The following SLC52A2 variants were observed in gnomAD, a reference collection of about 807,000 sequenced individuals.
SLC52A2 encodes solute carrier family 52, riboflavin transporter, member 2.
Under a neutral mutation model 24.8 loss-of-function variants are expected in SLC52A2, and 16 were observed. That is an observed-to-expected ratio of 0.64 (90% CI 0.44 to 0.98). SLC52A2 has a LOEUF of 0.98. Among genes scored for constraint, SLC52A2 ranks in the 50% least tolerant of loss-of-function variants. SLC52A2 has a pLI of 0.00. For missense variants in SLC52A2, 612 were observed against 575.9 expected, an observed-to-expected ratio of 1.06 and a Z score of -0.64; for synonymous variants, 335 against 276.3, an observed-to-expected ratio of 1.21 and a Z score of -2.11.
Position 144,358,773 on chromosome 8 carries a change from C to T in SLC52A2, c.-403C>T. On this transcript the variant is annotated 5_prime_UTR_variant, in exon 1 of 5. Coordinates refer to ENST00000643944, the MANE Select transcript of SLC52A2 (RefSeq NM_001363118.2). The stretch of plus-strand genomic sequence containing the variant: ...CAGGGACCGGACGGCTCCCGAGTCG[C>T]CCACCTGACGGTACCGAGAGGGCGG... The T allele has an allele frequency of 3.6e-6, 1 of 278,630 alleles. No individual in the cohort carries two copies. Among genetic ancestry groups the T allele is most frequent in the Non-Finnish European group, 6.7e-6 (1 of 149,054 alleles). 17.3% of individuals were successfully genotyped at this position (278,630 alleles called of 1,614,324 possible). A position where few individuals can be genotyped will look rare whatever the true frequency, so the allele number is the denominator to read the frequency against.
Position 144,361,122 on chromosome 8 carries a change from G to A in SLC52A2, c.*107G>A. On this transcript the variant is annotated 3_prime_UTR_variant, in exon 5 of 5. Coordinates refer to ENST00000643944, the MANE Select transcript of SLC52A2 (RefSeq NM_001363118.2). ...GAGGCCCGCACACCGGTACACTCGTGGACACCTACACACTCCATAGGAGAT... is the reference window on the plus strand; with the variant it reads ...GAGGCCCGCACACCGGTACACTCGTAGACACCTACACACTCCATAGGAGAT... 1 of 1,150,088 alleles carries A rather than the reference G, an allele frequency of 8.7e-7. No homozygotes were observed. The highest frequency in any genetic ancestry group is 1.3e-6 in the Non-Finnish European group (1 of 789,886). 71.2% of individuals were successfully genotyped at this position (1,150,088 alleles called of 1,614,324 possible). A position where few individuals can be genotyped will look rare whatever the true frequency, so the allele number is the denominator to read the frequency against.
In SLC52A2 at chr8:144,361,012, C is replaced by CT. The variant is rs1312420153; in HGVS notation, c.1336dup (p.Ter446LeufsTer69). 1 of 1,612,174 alleles carries CT rather than the reference C, an allele frequency of 6.2e-7. No homozygotes were observed. Among genetic ancestry groups the CT allele is most frequent in the Non-Finnish European group, 8.5e-7 (1 of 1,179,186 alleles). On this transcript the variant is annotated frameshift_variant, in exon 5 of 5. Coordinates refer to ENST00000643944, the MANE Select transcript of SLC52A2 (RefSeq NM_001363118.2). LOFTEE classifies it high-confidence loss of function. ...AGGACTGTGCAGACCCCTGTGACTC[C>CT]TGAGCCTGGGCAGGTGGGGACCCCG...
At chr8:144,358,597 C>T (rs1198371073), upstream of SLC52A2, 2 of 1,029,560 alleles carry the variant, frequency 1.9e-6, no homozygotes, top group Non-Finnish European at 2.5e-6. Context: ...GGGGCGGGCC[C>T]GGAACCGCCA....
rs1818727753 is a variant in SLC52A2, at chr8:144,359,949, C to G, written c.457C>G (p.Leu153Val). The change falls in exon 3 of 5, where the codon CTG (leucine) becomes GTG (valine). Residue 153 changes from leucine (L) to valine (V), a missense_variant. Coordinates refer to ENST00000643944, the MANE Select transcript of SLC52A2 (RefSeq NM_001363118.2). Reference protein sequence around the residue: ...FLRSFFLGQGLSALLPCVLAL... With the variant: ...FLRSFFLGQGVSALLPCVLAL... ...ACGGTCATTCTTCCTGGGTCAAGGC[C>G]TGAGTGCCCTGCTGCCCTGCGTGCT... 6.2e-7 allele frequency: 1 copy of G among 1,613,410 alleles called. No homozygotes were observed. Among genetic ancestry groups the G allele is most frequent in the East Asian group, 2.2e-5 (1 of 44,886 alleles).
At position 144,358,767 on chromosome 8, in the gene SLC52A2, G is replaced by C; in HGVS notation, c.-409G>C. 7.0e-6 allele frequency: 2 copies of C among 285,954 alleles called. No homozygotes were observed. The highest frequency in any genetic ancestry group is 1.3e-5 in the Non-Finnish European group (2 of 153,802). 17.7% of individuals were successfully genotyped at this position (285,954 alleles called of 1,614,324 possible). The stretch of plus-strand genomic sequence containing the variant: ...GAGGCGCAGGGACCGGACGGCTCCC[G>C]AGTCGCCCACCTGACGGTACCGAGA... On this transcript the variant is annotated 5_prime_UTR_variant, in exon 1 of 5. Coordinates refer to ENST00000643944, the MANE Select transcript of SLC52A2 (RefSeq NM_001363118.2).
chr8:144,360,147 C>A lies in SLC52A2; in HGVS notation c.655C>A (p.Pro219Thr), dbSNP rs782793102. The change falls in exon 3 of 5, where the codon CCG becomes ACG. Residue 219 changes from proline (P) to threonine (T), a missense_variant. Transcript: ENST00000643944. The part of the protein sequence containing the change: ...AAFQGLLLLL[P>T]PPPSVPTGEL... ...CTTCCAGGGTCTTCTGCTGCTGTTG[C>A]CGCCACCACCATCTGTACCCACAGG... The A allele has an allele frequency of 1.9e-6, 3 of 1,612,800 alleles. No homozygotes were observed. Among genetic ancestry groups the A allele is most frequent in the Non-Finnish European group, 2.5e-6 (3 of 1,180,030 alleles).
chr8:144,359,158 C>G (rs988318301), intron 1 of SLC52A2, 26 bp from the exon 2 acceptor site: 1 of 1,367,620 alleles, frequency 7.3e-7, no homozygotes. Context: ...GCTCTGCATC[C>G]TATCTGTTTC....
chr8:144,359,846 C>T lies in SLC52A2; in HGVS notation c.354C>T (p.Ala118=), dbSNP rs1554853928. The T allele has an allele frequency of 1.4e-5, 22 of 1,613,576 alleles. No homozygotes were observed. The highest frequency in any genetic ancestry group is 8.5e-7 in the Non-Finnish European group (1 of 1,180,022). ...QLHSVAFLAL[A]FVLALACCAS... ...ATTCTGTGGCCTTCTTAGCACTGGC[C>T]TTTGTGCTGGCACTGGCATGCTGTG... The change falls in exon 3 of 5, where the codon GCC becomes GCT. Residue 118 remains alanine, a synonymous_variant. Coordinates refer to ENST00000643944, the MANE Select transcript of SLC52A2 (RefSeq NM_001363118.2).
upstream of SLC52A2, chr8:144,358,578 G>C: frequency 1.7e-6 from 2 of 1,157,844 alleles, no homozygotes; most frequent in Non-Finnish European, 2.2e-6. Context: ...CCGGTCGTGG[G>C]CCATGCCGGG....
chr8:144,359,638 C>G lies in SLC52A2; in HGVS notation c.146C>G (p.Ser49Cys). 6.2e-7 allele frequency: 1 copy of G among 1,613,406 alleles called. No individual in the cohort carries two copies. ...TTCCCTGCAGGTTGGAGCCTCCCCT[C>G]TTACGTCTCTGTGCTTGTGGCTCTG... ...KELPEGWSLP[S>C]YVSVLVALGN... The change falls in exon 3 of 5, where the codon TCT becomes TGT. Residue 49 changes from serine to cysteine, a missense_variant. Physicochemically the swap from Ser to Cys is moderately radical, Grantham distance 112. Coordinates refer to ENST00000643944, the MANE Select transcript of SLC52A2 (RefSeq NM_001363118.2).
intron 2 of SLC52A2, 23 bp downstream of exon 2, chr8:144,359,446 T>C: frequency 6.2e-7 from 1 of 1,612,708 alleles, no homozygotes; most frequent in East Asian, 2.2e-5. Flanking sequence ...GAGGTGCAGG[T>C]GTGCCCAAGA....
chr8:144,359,120 C>T (rs897850640), intron 1 of SLC52A2, 55 bp downstream of exon 1: 12 of 1,004,432 alleles, frequency 1.2e-5, no homozygotes, highest in African/African-American at 3.2e-5. Flanking sequence ...TCCCCCAGTT[C>T]CCCTGGTCTC....
Position 144,360,274 on chromosome 8 carries a change from C to G in SLC52A2, c.782C>G (p.Thr261Ser), listed in dbSNP as rs782797793. The change falls in exon 3 of 5, where the codon ACC becomes AGC. Residue 261 changes from threonine (T) to serine (S), a missense_variant. Thr to Ser is a moderately conservative substitution (Grantham distance 58). Transcript: ENST00000643944. ...QEPPSQAAGT[T>S]PGPDPKAYQL... is the part of the protein sequence containing the mutation. ...CCACCAAGCCAGGCAGCAGGCACCA[C>G]CCCTGGTCCAGACCCTAAGGCCTAT... 8.1e-6 allele frequency: 13 copies of G among 1,612,096 alleles called. No homozygotes were observed. Among genetic ancestry groups the G allele is most frequent in the Non-Finnish European group, 7.6e-6 (9 of 1,180,030 alleles).
Position 144,360,257 on chromosome 8 carries a change from C to A in SLC52A2, c.765C>A (p.Ser255Arg), listed in dbSNP as rs1397000718. The stretch of plus-strand genomic sequence containing the variant: ...CCTCACCACTGCAAGAGCCACCAAG[C>A]CAGGCAGCAGGCACCACCCCTGGTC... ...EESSPLQEPP[S>R]QAAGTTPGPD... Residue 255 changes from serine (S) to arginine (R), a missense_variant, in exon 3 of 5, where the codon AGC becomes AGA. Ser to Arg is a moderately radical substitution (Grantham distance 110). Coordinates refer to ENST00000643944, the MANE Select transcript of SLC52A2 (RefSeq NM_001363118.2). 3.0e-5 allele frequency: 49 copies of A among 1,612,358 alleles called. No individual in the cohort carries two copies. In the Admixed American group the frequency reaches 8.2e-4, roughly 27 times the overall value.
rs371456902 is a variant in SLC52A2 at position 144,360,901 on chromosome 8, C to T, written c.1224C>T (p.Ala408=). 18 of 1,613,048 alleles carry T rather than the reference C, an allele frequency of 1.1e-5. 1 individual carries two copies. Among genetic ancestry groups the T allele is most frequent in the Middle Eastern group, 1.6e-4 (1 of 6,084 alleles). ...GGGGCCGGCCGGCATTGCTGGCAGC[C>T]GGCGTGGCCATCCAGGTGGGCTCTC... The part of the protein sequence containing the change: ...HGGGRPALLA[A]GVAIQVGSLL... Residue 408 remains alanine, a synonymous_variant, in exon 5 of 5, where the codon GCC becomes GCT. Transcript: ENST00000643944.
Position 144,360,381 on chromosome 8 carries a change from G to T in SLC52A2, c.889G>T (p.Val297Leu), listed in dbSNP as rs782725706. The T allele has an allele frequency of 6.0e-5, 96 of 1,608,046 alleles. No individual in the cohort carries two copies. Among genetic ancestry groups the T allele is most frequent in the Middle Eastern group, 3.3e-4 (2 of 6,084 alleles). ...GCTGACCAATGGCGTGCTGCCTGCC[G>T]TGCAGAGCTTTTCCTGCTTACCCTA... ...NALTNGVLPA[V>L]QSFSCLPYGR... Residue 297 changes from valine (V) to leucine (L), a missense_variant, in exon 3 of 5, where the codon GTG becomes TTG. By Grantham distance (32) the Val-to-Leu change is conservative (BLOSUM62 1). Transcript: ENST00000643944.
In SLC52A2 at chr8:144,360,533, G is replaced by A. The variant is rs1167648698; in HGVS notation, c.1001+40G>A. On this transcript the variant is annotated intron_variant, in intron 3 of 4. Transcript: ENST00000643944. ...CCAGCCCCTGTGCGGGTGGAACTCA[G>A]GGCTAGGAGCCAGGTCCTGGCGCAG... The A allele has an allele frequency of 2.5e-6, 4 of 1,583,146 alleles. No homozygotes were observed. The East Asian group carries it at 9.0e-5, about 36-fold the overall frequency.
At chr8:144,359,098 C>T (rs1036431501) in intron 1 of SLC52A2, 33 bp downstream of exon 1, 8 of 808,108 alleles carry the variant, frequency 9.9e-6, no homozygotes, top group African/African-American at 3.5e-5. Context: ...CATCTGCGCT[C>T]CTGCCCGGGG....
rs1554854430 is a variant in SLC52A2 at position 144,360,637 on chromosome 8, G to C, written c.1049G>C (p.Gly350Ala). The change falls in exon 4 of 5, where the codon GGG becomes GCG. Residue 350 changes from glycine (G) to alanine (A), a missense_variant. Physicochemically the swap from Gly to Ala is moderately conservative, Grantham distance 60 (BLOSUM62 0). Transcript: ENST00000643944. ...CTCTCTCTGCTGGGCGTGTTCTGTG[G>C]GGGCTACCTGATGGCGCTGGCAGTC... ...GGLSLLGVFCGGYLMALAVLS... is the reference protein window; with the variant it reads ...GGLSLLGVFCAGYLMALAVLS... The C allele has an allele frequency of 1.8e-5, 29 of 1,604,424 alleles. No individual in the cohort carries two copies. The highest frequency in any genetic ancestry group is 2.4e-5 in the Non-Finnish European group (28 of 1,179,624).
Sources: allele counts gnomAD v4.1 joint callset, GRCh38; gene constraint gnomAD v4.1.1; transcripts MANE v1.5; gene names NCBI Gene and HGNC (gene_info 2026-07-23, HGNC 2026-07-21).